The following DNAJC6 variants were observed in gnomAD, a reference collection of about 807,000 sequenced individuals.
DNAJC6 encodes the protein auxilin.
Under a neutral mutation model 110.0 loss-of-function variants are expected in DNAJC6, and 34 were observed. That is an observed-to-expected ratio of 0.31 (90% CI 0.24 to 0.41). The LOEUF (loss-of-function observed/expected upper bound fraction) is 0.41. Among genes scored for constraint, DNAJC6 ranks in the 10% least tolerant of loss-of-function variants. The pLI is 1.00. For synonymous variants in DNAJC6, 406 were observed against 437.2 expected (o/e 0.93, Z 0.89); for missense variants, 1,031 against 1,207.8 (o/e 0.85, Z 2.17).
intron 1 of DNAJC6, among the ~76,000 whole-genome samples, chr1:65,293,235 C>G (rs533239551): frequency 6.6e-6 from 1 of 152,208 alleles, no homozygotes; most frequent in Non-Finnish European, 1.5e-5. Context: ...GACCCTTATC[C>G]TGGCTTGCAG....
At chr1:65,312,774 T>A (rs1304718047) in intron 1 of DNAJC6, among the ~76,000 whole-genome samples, 1 of 152,190 alleles carries the variant, frequency 6.6e-6, no homozygotes, top group African/African-American at 2.4e-5. Context: ...AACCTCTGCA[T>A]TATTGTTACT....
At chr1:65,345,875 G>A (rs1359446233) in intron 1 of DNAJC6, among the ~76,000 whole-genome samples, 2 of 152,172 alleles carry the variant, frequency 1.3e-5, no homozygotes, top group African/African-American at 4.8e-5. Context: ...TTTTCCACAA[G>A]GGAGGGTAGT....
chr1:65,349,055 T>A (rs1381378885), intron 1 of DNAJC6, among the ~76,000 whole-genome samples: 1 of 143,284 alleles, frequency 7.0e-6, no homozygotes, highest in Non-Finnish European at 1.5e-5. Context: ...TATATAAAAA[T>A]ATATATGTAA....
rs187083869 is a variant in DNAJC6 at position 65,351,773 on chromosome 1, T to A, written c.194-12862T>A. 4.0e-4 allele frequency among the ~76,000 whole-genome samples: 61 copies of A among 152,268 alleles called. No homozygotes were observed. The East Asian group carries it at 4.4e-3, about 11-fold the overall frequency. On this transcript the variant is annotated intron_variant, in intron 1 of 18. Coordinates refer to ENST00000371069, the MANE Select transcript of DNAJC6 (RefSeq NM_001256864.2). ...TGTACACACACAGTTATATATATTT[T>A]TTTTTTCTTAAGATGGAGTTTCGCT...
At chr1:65,365,816 G>A in intron 2 of DNAJC6, 69 bp from the exon 3 acceptor site, 3 of 1,553,380 alleles carry the variant, frequency 1.9e-6, no homozygotes, top group Admixed American at 1.7e-5. Flanking sequence ...ATGCGCAAGT[G>A]ATTGAGAGAG....
chr1:65,302,137 A>G (rs1395041837), intron 1 of DNAJC6, among the ~76,000 whole-genome samples: 1 of 141,724 alleles, frequency 7.1e-6, no homozygotes, highest in East Asian at 2.0e-4. Flanking sequence ...AAATATATAT[A>G]ATACGTATTA....
chr1:65,383,592 A>G (rs1446643255), intron 5 of DNAJC6, among the ~76,000 whole-genome samples: 1 of 151,984 alleles, frequency 6.6e-6, no homozygotes. Context: ...TAAGGGCACA[A>G]TTCCCATTCA....
At chr1:65,282,442 G>C (rs1653883361) in intron 1 of DNAJC6, among the ~76,000 whole-genome samples, 1 of 152,154 alleles carries the variant, frequency 6.6e-6, no homozygotes, top group Admixed American at 6.5e-5. Flanking sequence ...AAAGCTAAGA[G>C]ACTGATATAC....
intron 1 of DNAJC6, among the ~76,000 whole-genome samples, chr1:65,290,137 T>C (rs372237664): frequency 6.6e-6 from 1 of 152,294 alleles, no homozygotes; most frequent in African/African-American, 2.4e-5. Flanking sequence ...ACAACACACG[T>C]ATATATCTTA....
intron 1 of DNAJC6, among the ~76,000 whole-genome samples, chr1:65,328,177 G>T (rs1645257781): frequency 6.6e-6 from 1 of 152,148 alleles, no homozygotes; most frequent in African/African-American, 2.4e-5. Context: ...GTCTAAAAAT[G>T]AAGGAACTAT....
chr1:65,371,446 G>T (rs1645704712), intron 4 of DNAJC6, among the ~76,000 whole-genome samples: 1 of 152,086 alleles, frequency 6.6e-6, no homozygotes, highest in South Asian at 2.1e-4. Context: ...CTCTTGCTTA[G>T]AGTCATCATG....
At chr1:65,351,162 A>G (rs1429774464) in intron 1 of DNAJC6, among the ~76,000 whole-genome samples, 1 of 152,178 alleles carries the variant, frequency 6.6e-6, no homozygotes, top group South Asian at 2.1e-4. Context: ...AGATCATTTT[A>G]TGGTAATAGG....
chr1:65,358,473 A>G (rs1405677861), intron 1 of DNAJC6, among the ~76,000 whole-genome samples: 2 of 152,138 alleles, frequency 1.3e-5, no homozygotes, highest in Non-Finnish European at 2.9e-5. Context: ...TTCATAGGGT[A>G]TTTGTGAAGA....
intron 1 of DNAJC6, among the ~76,000 whole-genome samples, chr1:65,344,532 T>C (rs1435717750): frequency 2.6e-5 from 4 of 152,168 alleles, no homozygotes; most frequent in East Asian, 1.9e-4. Context: ...TTAGTTGTCA[T>C]TGATGCATTT....
Position 65,289,815 on chromosome 1 carries a change from T to G in DNAJC6, c.-131+24883T>G, listed in dbSNP as rs373883544. Among the ~76,000 whole-genome samples the G allele has an allele frequency of 3.9e-4, 59 of 151,502 alleles. No homozygotes were observed. In the East Asian group the frequency reaches 7.7e-3, roughly 20 times the overall value. On this transcript the variant is annotated intron_variant, in intron 1 of 19. Coordinates refer to the DNAJC6 transcript ENST00000263441. ...CTAAGAGCACTGTGTCATTGTTGTT[T>G]TTTTTTTTTTTTGAGACAGAGTTTC...
intron 1 of DNAJC6, among the ~76,000 whole-genome samples, chr1:65,323,612 C>T (rs372689295): frequency 6.6e-6 from 1 of 151,970 alleles, no homozygotes; most frequent in South Asian, 2.1e-4. Flanking sequence ...TTTCTTTTTT[C>T]TGAAGCAGGT....
At chr1:65,401,932 GC>G in intron 15 of DNAJC6, 52 bp downstream of exon 15, 2 of 1,603,268 alleles carry the variant, frequency 1.2e-6, no homozygotes. Context: ...TAGCTATAAA[GC>G]CTCAAATCTC....
intron 1 of DNAJC6, among the ~76,000 whole-genome samples, chr1:65,285,039 C>T (rs1043264862): frequency 6.6e-6 from 1 of 152,072 alleles, no homozygotes; most frequent in Non-Finnish European, 1.5e-5. Context: ...GCATTTCTGC[C>T]CAGCTCCTTT....
intron 1 of DNAJC6, among the ~76,000 whole-genome samples, chr1:65,294,699 T>G (rs1364851167): frequency 1.1e-5 from 1 of 87,906 alleles, no homozygotes; most frequent in African/African-American, 4.9e-5. Flanking sequence ...CCCATTGAGT[T>G]AAATAAAGTG....
Sources: allele counts gnomAD v4.1 joint callset (sites outside exome capture counted in the v4.1 genomes callset), GRCh38; gene constraint gnomAD v4.1.1; transcripts MANE v1.5; gene names NCBI Gene and HGNC (gene_info 2026-07-23, HGNC 2026-07-21).